Variants in RIMKLB observed in about 807,000 individuals in gnomAD.
RIMKLB encodes the protein beta-citrylglutamate synthase B.
In RIMKLB, 7 loss-of-function variants were observed where a neutral mutation model predicts 32.0. The observed-to-expected ratio is 0.22, with a 90% CI of 0.12 to 0.41. The LOEUF (loss-of-function observed/expected upper bound fraction) is 0.41. Ranked by LOEUF, RIMKLB falls within the 10% of genes least tolerant of loss-of-function variation. RIMKLB has a pLI of 1.00. For missense variants in RIMKLB, 289 were observed against 498.7 expected, an observed-to-expected ratio of 0.58 and a Z score of 4.00; for synonymous variants, 172 against 185.1, an observed-to-expected ratio of 0.93 and a Z score of 0.57.
chr12:8,686,098 G>A (rs1469430161), intron 1 of RIMKLB, among the ~76,000 whole-genome samples: 1 of 151,900 alleles, frequency 6.6e-6, no homozygotes, highest in Non-Finnish European at 1.5e-5. Context: ...GAGCCACCGC[G>A]CCCGGACTAA....
At chr12:8,700,316 C>G (rs1370450063) in intron 1 of RIMKLB, 1 of 152,174 alleles carries the variant, frequency 6.6e-6, no homozygotes, top group Non-Finnish European at 1.5e-5. Flanking sequence ...TCCCAATTAC[C>G]CTTTTCACAA....
chr12:8,674,595 G>C, the RIMKLB span, among the ~76,000 whole-genome samples: 1 of 152,012 alleles, frequency 6.6e-6, no homozygotes, highest in Admixed American at 6.5e-5. Context: ...TGTTGCCTAG[G>C]CTGGAGTGCA....
chr12:8,670,830 G>A, the RIMKLB span, among the ~76,000 whole-genome samples: 613 of 152,340 alleles, frequency 4.0e-3, 7 homozygotes, highest in African/African-American at 0.014. Flanking sequence ...CTTTTGCTTG[G>A]GCATCCAGGC....
downstream of RIMKLB, chr12:8,777,215 CTTTTTT>C (rs35828763): frequency 6.5e-4 from 460 of 703,828 alleles, no homozygotes; most frequent in Middle Eastern, 2.3e-3. Context: ...TGCTTGCTTT[CTTTTTT>C]TTTTTTTTTT....
chr12:8,756,039 C>T (rs1591920774), intron 5 of RIMKLB, among the ~76,000 whole-genome samples: 1 of 151,696 alleles, frequency 6.6e-6, no homozygotes, highest in Non-Finnish European at 1.5e-5. Flanking sequence ...TGTTTAGTCC[C>T]GGCTACTCTG....
At chr12:8,753,341 A>T (rs1333720818) in intron 4 of RIMKLB, among the ~76,000 whole-genome samples, 2 of 152,194 alleles carry the variant, frequency 1.3e-5, no homozygotes, top group Admixed American at 6.6e-5. Flanking sequence ...GCCAGAAGTG[A>T]CATAGATTCA....
intron 5 of RIMKLB, among the ~76,000 whole-genome samples, chr12:8,769,113 T>TTAA (rs1950204540): frequency 6.6e-6 from 1 of 152,194 alleles, no homozygotes; most frequent in Non-Finnish European, 1.5e-5. Context: ...TTCTCTTTTA[T>TTAA]TTACAGTTGG....
chr12:8,767,998 G>C lies in RIMKLB; in HGVS notation c.698-5323G>C, dbSNP rs540355713. Among the ~76,000 whole-genome samples, 329 of 152,314 alleles carry C rather than the reference G, an allele frequency of 2.2e-3. 18 individuals carry two copies. The South Asian group carries it at 0.067, about 31-fold the overall frequency. On this transcript the variant is annotated intron_variant, in intron 5 of 5. Coordinates refer to ENST00000535829, the MANE Select transcript of RIMKLB (RefSeq NM_001297776.2). ...GGGTCCTTGTGCCTAGAGTTCCCAA[G>C]ATGGCGGCAGGGCCACTTCCAATAT...
At chr12:8,685,462 T>C (rs1942540516) in intron 1 of RIMKLB, among the ~76,000 whole-genome samples, 1 of 152,228 alleles carries the variant, frequency 6.6e-6, no homozygotes, top group Non-Finnish European at 1.5e-5. Flanking sequence ...GTGATATTTC[T>C]TTAGTCTGTT....
chr12:8,757,797 A>G (rs1312551711), intron 5 of RIMKLB, among the ~76,000 whole-genome samples: 2 of 152,194 alleles, frequency 1.3e-5, no homozygotes, highest in Non-Finnish European at 2.9e-5. Context: ...GTGTATTACA[A>G]TAACTTCAGC....
At chr12:8,709,935 A>G (rs1944223267) in intron 1 of RIMKLB, among the ~76,000 whole-genome samples, 1 of 152,140 alleles carries the variant, frequency 6.6e-6, no homozygotes, top group Admixed American at 6.6e-5. Context: ...CCTTGTGGAT[A>G]TGGAGGGACT....
At position 8,773,504 on chromosome 12, in the gene RIMKLB, A is replaced by G; in HGVS notation, c.881A>G (p.Asp294Gly). ...GCCTTTGATAAGGCTTGTAATCTAG[A>G]TGTAGCTGGTATCATAGCAGACTAT... ...FIAFDKACNL[D>G]VAGIIADYAA... The change falls in exon 6 of 6, where the codon GAT becomes GGT. Residue 294 changes from aspartate to glycine, a missense_variant. By Grantham distance (94) the Asp-to-Gly change is moderately conservative (BLOSUM62 -1). Transcript: ENST00000535829. 2 of 1,614,234 alleles carry G rather than the reference A, an allele frequency of 1.2e-6. No individual in the cohort carries two copies. The highest frequency in any genetic ancestry group is 1.7e-6 in the Non-Finnish European group (2 of 1,180,048).
At chr12:8,758,945 C>G (rs892949111) in intron 5 of RIMKLB, among the ~76,000 whole-genome samples, 2 of 152,104 alleles carry the variant, frequency 1.3e-5, no homozygotes, top group Non-Finnish European at 2.9e-5. Context: ...GCCTCTCTAC[C>G]TTGTTTGCCA....
At chr12:8,749,726 G>T in intron 2 of RIMKLB, 136 bp from the exon 3 acceptor site, 2 of 602,582 alleles carry the variant, frequency 3.3e-6, no homozygotes, top group South Asian at 2.5e-5. Context: ...TTTTTCTTAG[G>T]AGTATCTCTA....
At chr12:8,745,792 A>G (rs1258375840) in intron 2 of RIMKLB, among the ~76,000 whole-genome samples, 1 of 148,230 alleles carries the variant, frequency 6.7e-6, no homozygotes, top group East Asian at 2.0e-4. Context: ...CCTCGTAGGT[A>G]CAAGTGATTC....
At chr12:8,724,716 C>G (rs1945812593) in intron 2 of RIMKLB, among the ~76,000 whole-genome samples, 1 of 152,174 alleles carries the variant, frequency 6.6e-6, no homozygotes, top group Non-Finnish European at 1.5e-5. Flanking sequence ...GCACCTGGGT[C>G]TACAGTTGCT....
intron 2 of RIMKLB, among the ~76,000 whole-genome samples, chr12:8,718,663 ATATATATGTGTGTG>A (rs1270427210): frequency 2.6e-4 from 30 of 116,136 alleles, no homozygotes; most frequent in African/African-American, 9.0e-4. Flanking sequence ...CTATATATAT[ATATATATGTGTGTG>A]TGTGTGTGTG....
rs991788928 is a variant in RIMKLB at position 8,775,446 on chromosome 12, C to T, written c.*1662C>T. 17 of 985,492 alleles carry T rather than the reference C, an allele frequency of 1.7e-5. No individual in the cohort carries two copies. Among genetic ancestry groups the T allele is most frequent in the Non-Finnish European group, 2.0e-5 (17 of 829,894 alleles). 61.0% of individuals were successfully genotyped at this position (985,492 alleles called of 1,614,324 possible). On this transcript the variant is annotated 3_prime_UTR_variant, in exon 6 of 6. Transcript: ENST00000535829. ...GAAATGGAGATGCTGCAGAGCCCAA[C>T]GTAATTTTTTAAACAGCAAGTTTTC...
chr12:8,750,159 A>T, intron 3 of RIMKLB, 67 bp downstream of exon 3: 1 of 990,400 alleles, frequency 1.0e-6, no homozygotes, highest in Admixed American at 1.8e-5. Context: ...GGATAAATTT[A>T]CAGACATGAA....
Sources: gnomAD v4.1 joint callset for allele counts (sites outside exome capture counted in the v4.1 genomes callset) on GRCh38, gnomAD v4.1.1 for gene constraint, MANE v1.5 for transcripts, NCBI Gene and HGNC (gene_info 2026-07-23, HGNC 2026-07-21) for gene names.